UBE2H: variants seen among roughly 807,000 people sequenced by gnomAD.
UBE2H encodes ubiquitin-conjugating enzyme E2 H.
In UBE2H, 3 loss-of-function variants were observed where a neutral mutation model predicts 29.0. That is an observed-to-expected ratio of 0.10 (90% CI 0.05 to 0.27). The LOEUF (loss-of-function observed/expected upper bound fraction) is 0.27, where lower values mean the gene tolerates loss of function less well. UBE2H is among the 10% of genes least tolerant of loss of function. UBE2H has a pLI of 1.00. For missense variants in UBE2H, 68 were observed against 228.2 expected (o/e 0.30, Z 4.52); for synonymous variants, 69 against 82.9 (o/e 0.83, Z 0.91).
In UBE2H at chr7:129,839,279, T is replaced by C; in HGVS notation, c.355A>G (p.Ile119Val). Residue 119 changes from isoleucine to valine, a missense_variant, in exon 6 of 7, where the codon ATA becomes GTA. Ile to Val is a conservative substitution (Grantham distance 29). Around this residue, in one of 3 missense-constraint regions of UBE2H, gnomAD observed 40 missense variants for 174.1 expected, o/e 0.23. Transcript: ENST00000355621. ...GCAGCGTCACCATTGAGAGGATCTA[T>C]GGGGTTAGGATAGGCCAATAACTGA... ...LPQLLAYPNPIDPLNGDAAAM... is the reference protein window; with the variant it reads ...LPQLLAYPNPVDPLNGDAAAM... 1.9e-6 allele frequency: 3 copies of C among 1,614,018 alleles called. No homozygotes were observed. Among genetic ancestry groups the C allele is most frequent in the Non-Finnish European group, 1.7e-6 (2 of 1,179,978 alleles).
At chr7:129,878,004 G>A (rs1806180796) in intron 3 of UBE2H, among the ~76,000 whole-genome samples, 1 of 152,146 alleles carries the variant, frequency 6.6e-6, no homozygotes, top group African/African-American at 2.4e-5. Flanking sequence ...GTATCTGAAT[G>A]AACTTGCATG....
intron 3 of UBE2H, among the ~76,000 whole-genome samples, chr7:129,867,241 C>T (rs1805922755): frequency 6.6e-6 from 1 of 152,052 alleles, no homozygotes; most frequent in South Asian, 2.1e-4. Context: ...CCATCCTACA[C>T]ATGCACACGT....
intron 3 of UBE2H, among the ~76,000 whole-genome samples, chr7:129,875,180 A>T (rs1210569976): frequency 6.6e-6 from 1 of 152,254 alleles, no homozygotes; most frequent in Non-Finnish European, 1.5e-5. Context: ...TGGAAATTAC[A>T]GAAAAGTATG....
At chr7:129,879,115 A>T (rs966532338) in intron 3 of UBE2H, among the ~76,000 whole-genome samples, 14 of 152,228 alleles carry the variant, frequency 9.2e-5, no homozygotes, top group African/African-American at 2.9e-4. Context: ...GGAAGACTGC[A>T]AAGGGTCATT....
intron 1 of UBE2H, among the ~76,000 whole-genome samples, chr7:129,919,777 C>CT (rs1293592787): frequency 6.6e-6 from 1 of 152,186 alleles, no homozygotes; most frequent in Non-Finnish European, 1.5e-5. Flanking sequence ...TTGTTACCAT[C>CT]TTTACTGCTT....
At chr7:129,856,038 C>T (rs1805699530) in intron 5 of UBE2H, among the ~76,000 whole-genome samples, 1 of 152,138 alleles carries the variant, frequency 6.6e-6, no homozygotes, top group African/African-American at 2.4e-5. Context: ...GAAGAAGGTG[C>T]TAACCACACA....
intron 3 of UBE2H, among the ~76,000 whole-genome samples, chr7:129,861,187 G>A (rs987653574): frequency 1.2e-4 from 18 of 151,706 alleles, no homozygotes; most frequent in African/African-American, 4.4e-4. Context: ...TCACGCCACT[G>A]CACTCCAGCC....
intron 3 of UBE2H, among the ~76,000 whole-genome samples, chr7:129,860,634 A>ATC (rs1451144447): frequency 1.3e-5 from 2 of 152,164 alleles, no homozygotes; most frequent in Non-Finnish European, 2.9e-5. Flanking sequence ...GAGTACATCC[A>ATC]TCTACCTGAG....
At chr7:129,934,237 G>A (rs142715146) in intron 1 of UBE2H, among the ~76,000 whole-genome samples, 5 of 152,010 alleles carry the variant, frequency 3.3e-5, no homozygotes, top group South Asian at 2.1e-4. Context: ...CAGGAGGACC[G>A]CTTGAGCCTG....
intron 3 of UBE2H, among the ~76,000 whole-genome samples, chr7:129,874,819 A>T (rs1806115058): frequency 1.3e-5 from 2 of 152,182 alleles, no homozygotes; most frequent in South Asian, 2.1e-4. Flanking sequence ...GAAGAGAAAA[A>T]GGGGGAAGAA....
At chr7:129,874,063 A>G (rs893996174) in intron 3 of UBE2H, among the ~76,000 whole-genome samples, 26 of 152,146 alleles carry the variant, frequency 1.7e-4, no homozygotes, top group Non-Finnish European at 1.3e-4. Flanking sequence ...CTGCTCTTAA[A>G]GTTATTTACA....
At chr7:129,916,355 T>C (rs1807043650) in intron 1 of UBE2H, among the ~76,000 whole-genome samples, 1 of 152,128 alleles carries the variant, frequency 6.6e-6, no homozygotes, top group African/African-American at 2.4e-5. Flanking sequence ...TTTAACAAGT[T>C]TGCTTTAAAT....
intron 1 of UBE2H, among the ~76,000 whole-genome samples, chr7:129,901,297 T>C (rs899193241): frequency 6.6e-6 from 1 of 152,148 alleles, no homozygotes; most frequent in Non-Finnish European, 1.5e-5. Flanking sequence ...CTAGTTCAAG[T>C]CTGTTCTTTG....
At chr7:129,911,596 GT>G (rs1219843537) in intron 1 of UBE2H, among the ~76,000 whole-genome samples, 2 of 152,072 alleles carry the variant, frequency 1.3e-5, no homozygotes, top group Non-Finnish European at 2.9e-5. Context: ...CTAACCTAGA[GT>G]TTAGGAAACA....
At chr7:129,847,852 C>T (rs1359381179) in intron 5 of UBE2H, among the ~76,000 whole-genome samples, 1 of 152,180 alleles carries the variant, frequency 6.6e-6, no homozygotes, top group African/African-American at 2.4e-5. Context: ...GGCTCCAAGC[C>T]TCTGGAAGGA....
intron 1 of UBE2H, among the ~76,000 whole-genome samples, chr7:129,895,789 T>C (rs1485400321): frequency 6.6e-6 from 1 of 152,016 alleles, no homozygotes; most frequent in African/African-American, 2.4e-5. Flanking sequence ...CTTGGGAGGC[T>C]GAGGCAGGAG....
At chr7:129,937,585 C>A (rs1225356273) in intron 1 of UBE2H, among the ~76,000 whole-genome samples, 3 of 152,134 alleles carry the variant, frequency 2.0e-5, no homozygotes, top group African/African-American at 7.2e-5. Flanking sequence ...GTATTCACAA[C>A]AGCATGACAA....
At chr7:129,898,393 T>G (rs758567122) in intron 1 of UBE2H, among the ~76,000 whole-genome samples, 3 of 152,150 alleles carry the variant, frequency 2.0e-5, no homozygotes, top group Non-Finnish European at 4.4e-5. Flanking sequence ...ACCTAATCAC[T>G]TAAGTAGAAG....
intron 5 of UBE2H, among the ~76,000 whole-genome samples, chr7:129,855,031 A>G (rs1168269052): frequency 6.6e-6 from 1 of 152,228 alleles, no homozygotes; most frequent in Non-Finnish European, 1.5e-5. Flanking sequence ...CCTAGGGCGA[A>G]TAGTTAAAGG....
Sources: gnomAD v4.1 joint callset for allele counts (sites outside exome capture counted in the v4.1 genomes callset) on GRCh38, gnomAD v4.1.1 for gene constraint, gnomAD v4.1.1 regional missense constraint, MANE v1.5 for transcripts, NCBI Gene and HGNC (gene_info 2026-07-23, HGNC 2026-07-21) for gene names.